The following ABR variants were observed in gnomAD, a reference collection of about 807,000 sequenced individuals.
The protein encoded by ABR is ABR activator of RhoGEF and GTPase.
In ABR, 35 loss-of-function variants were observed where a neutral mutation model predicts 107.2. That is an observed-to-expected ratio of 0.33 (90% CI 0.25 to 0.43). The LOEUF is 0.43. Among genes scored for constraint, ABR ranks in the 20% least tolerant of loss-of-function variants. ABR has a pLI of 1.00. For synonymous variants in ABR, 498 were observed against 462.0 expected, an observed-to-expected ratio of 1.08 and a Z score of -1.00; for missense variants, 815 against 1,115.2, an observed-to-expected ratio of 0.73 and a Z score of 3.83.
At chr17:1,162,899 C>A (rs932265769) in intron 1 of ABR, among the ~76,000 whole-genome samples, 6 of 152,092 alleles carry the variant, frequency 3.9e-5, no homozygotes, top group Admixed American at 6.6e-5. Flanking sequence ...TGGTGAAACC[C>A]CGTCTCTAAT....
chr17:1,216,933 G>A (rs1355257354), intron 1 of ABR, among the ~76,000 whole-genome samples: 2 of 152,124 alleles, frequency 1.3e-5, no homozygotes, highest in African/African-American at 4.8e-5. Flanking sequence ...GGGGATCCTA[G>A]GGGTGTTCAG....
intron 2 of ABR, among the ~76,000 whole-genome samples, 198 bp downstream of exon 2, chr17:1,124,985 G>T (rs966854242): frequency 5.1e-4 from 77 of 152,050 alleles, no homozygotes; most frequent in African/African-American, 1.7e-3. Flanking sequence ...GGCAGCGTTG[G>T]CAAAGCAGGT....
intron 4 of ABR, chr17:1,083,860 G>A: frequency 2.0e-6 from 1 of 502,610 alleles, no homozygotes; most frequent in Non-Finnish European, 3.6e-6. Flanking sequence ...GTCTGGGGTT[G>A]GGGAGACCAG....
intron 1 of ABR, among the ~76,000 whole-genome samples, chr17:1,195,481 C>T (rs983013855): frequency 1.3e-5 from 2 of 151,840 alleles, no homozygotes; most frequent in Non-Finnish European, 2.9e-5. Flanking sequence ...CTGCCTGACC[C>T]AGGCTCAGCA....
chr17:1,108,838 CCGCGCGCT>C, intron 2 of ABR: 1 of 1,407,836 alleles, frequency 7.1e-7, no homozygotes, highest in Non-Finnish European at 9.3e-7. Context: ...TTCCACCCGG[CCGCGCGCT>C]CTGCGCCCGC....
Position 1,010,295 on chromosome 17 carries a change from G to A in ABR, c.2236+434C>T, listed in dbSNP as rs184731593. The A allele has an allele frequency of 3.6e-4, 82 of 226,334 alleles. 2 individuals are homozygous for A. The highest frequency in any genetic ancestry group is 5.4e-4 in the Non-Finnish European group (61 of 112,950). 14.0% of individuals were successfully genotyped at this position (226,334 alleles called of 1,614,324 possible). ...GGTGGAGGCGGAAGGCCTGCTGGCCGGGGCCCTCCGCAGAGGTGACGGGAC... is the reference window on the plus strand; with the variant it reads ...GGTGGAGGCGGAAGGCCTGCTGGCCAGGGCCCTCCGCAGAGGTGACGGGAC... On this transcript the variant is annotated intron_variant, in intron 20 of 22. Coordinates refer to ENST00000302538, the MANE Select transcript of ABR (RefSeq NM_021962.5). This position sits in a 1 kb window ranked among gnomAD's most constrained non-coding sequence, Gnocchi z 4.1.
At position 1,139,837 on chromosome 17, in the gene ABR, T is replaced by C. The variant is rs894447096; in HGVS notation, c.62-14470A>G. On this transcript the variant is annotated intron_variant, in intron 1 of 22. Transcript: ENST00000302538. ...AAGTGTGTGGGCTGCCCTGAGGGGT[T>C]CATATGGAAGAAACAACCAGTCACA... is the stretch of plus-strand genomic sequence containing the variant. Among the ~76,000 whole-genome samples the C allele has an allele frequency of 5.3e-5, 8 of 152,236 alleles. No individual in the cohort carries two copies. The East Asian group carries it at 1.5e-3, about 29-fold the overall frequency.
intron 16 of ABR, among the ~76,000 whole-genome samples, chr17:1,029,983 G>T (rs1178753722): frequency 6.6e-6 from 1 of 150,550 alleles, no homozygotes; most frequent in Non-Finnish European, 1.5e-5. Context: ...CACGTTAGGG[G>T]ATGGAATCGC....
At chr17:1,188,215 C>T (rs2042353625), upstream of ABR, among the ~76,000 whole-genome samples, 1 of 151,396 alleles carries the variant, frequency 6.6e-6, no homozygotes, top group African/African-American at 2.4e-5. Flanking sequence ...CTCAAAAAAA[C>T]AAATAAGTAA....
intron 1 of ABR, among the ~76,000 whole-genome samples, chr17:1,127,154 C>A (rs1266443206): frequency 2.0e-5 from 3 of 152,234 alleles, no homozygotes; most frequent in Non-Finnish European, 4.4e-5. Flanking sequence ...TGAGCCAATG[C>A]CCCATTCAGC....
chr17:1,197,447 G>A (rs1405416874), intron 1 of ABR, among the ~76,000 whole-genome samples: 2 of 151,604 alleles, frequency 1.3e-5, no homozygotes, highest in East Asian at 3.8e-4. Context: ...CGGTCATTCT[G>A]AAGCCTTGAG....
rs879933857 is a variant in ABR, at chr17:1,179,858, C to G, written c.-131G>C. Reference sequence around the variant, plus strand: ...GCGAGGAGGCCGGGAACCAGGTCCCCGGGAGGAGCGCGGGGCGGCCGGGGC... The same window carrying G: ...GCGAGGAGGCCGGGAACCAGGTCCCGGGGAGGAGCGCGGGGCGGCCGGGGC... On this transcript the variant is annotated 5_prime_UTR_variant, in exon 1 of 23. Coordinates refer to ENST00000302538, the MANE Select transcript of ABR (RefSeq NM_021962.5). This position sits in a 1 kb window ranked among gnomAD's most constrained non-coding sequence, Gnocchi z 4.9. The G allele has an allele frequency of 3.6e-6, 3 of 836,808 alleles. No individual in the cohort carries two copies. Among genetic ancestry groups the G allele is most frequent in the Admixed American group, 4.2e-5 (1 of 23,620 alleles). The allele number at this position is 836,808 out of a possible 1,614,324, so 51.8% of individuals were successfully genotyped here.
intron 2 of ABR, among the ~76,000 whole-genome samples, chr17:1,114,340 CAG>C (rs2038882732): frequency 1.3e-5 from 2 of 151,766 alleles, no homozygotes; most frequent in East Asian, 3.9e-4. Flanking sequence ...AGGGGTGGCA[CAG>C]GCCTGTAATC....
chr17:1,136,522 C>T (rs888785805), intron 1 of ABR, among the ~76,000 whole-genome samples: 3 of 152,226 alleles, frequency 2.0e-5, no homozygotes, highest in Non-Finnish European at 4.4e-5. Flanking sequence ...AGCCACCGCG[C>T]CTGGCCAAAA....
intron 1 of ABR, among the ~76,000 whole-genome samples, chr17:1,173,794 CCT>C (rs1264614244): frequency 6.6e-6 from 1 of 152,184 alleles, no homozygotes; most frequent in Non-Finnish European, 1.5e-5. Context: ...GGTCTGATAC[CCT>C]GTTCCTGCCG....
At position 1,078,525 on chromosome 17, in the gene ABR, C is replaced by T. The variant is rs1234424800; in HGVS notation, c.700+805G>A. 2.6e-5 allele frequency among the ~76,000 whole-genome samples: 4 copies of T among 152,156 alleles called. No homozygotes were observed. Among genetic ancestry groups the T allele is most frequent in the Non-Finnish European group, 4.4e-5 (3 of 68,024 alleles). On this transcript the variant is annotated intron_variant, in intron 6 of 22. Coordinates refer to ENST00000302538, the MANE Select transcript of ABR (RefSeq NM_021962.5). This position sits in a 1 kb window ranked among gnomAD's most constrained non-coding sequence, Gnocchi z 7.5. ...TCGTCGCCGTCTCTCCCTAACAGCC[C>T]CTCCAGGAAGTTCTCTCACACTAGC...
chr17:1,090,825 C>T (rs896325271), intron 4 of ABR, among the ~76,000 whole-genome samples: 6 of 152,200 alleles, frequency 3.9e-5, no homozygotes, highest in Non-Finnish European at 7.3e-5. Context: ...AGAGAAGAAC[C>T]GCGGCCTGGA....
Position 1,157,786 on chromosome 17 carries a change from A to T in ABR, c.61+21881T>A, listed in dbSNP as rs143750223. Among the ~76,000 whole-genome samples, 31 of 152,390 alleles carry T rather than the reference A, an allele frequency of 2.0e-4. No homozygotes were observed. In the East Asian group the frequency reaches 5.0e-3, roughly 25 times the overall value. On this transcript the variant is annotated intron_variant, in intron 1 of 22. Coordinates refer to ENST00000302538, the MANE Select transcript of ABR (RefSeq NM_021962.5). This position sits in a 1 kb window ranked among gnomAD's most constrained non-coding sequence, Gnocchi z 4.7. ...TGACCTGAGCCTGCCTGCCAGGCAC[A>T]GAACCTCAGGCGCACCCAGGCAGAC...
Position 1,148,159 on chromosome 17 carries a change from CATT to C in ABR, c.62-22795_62-22793del, listed in dbSNP as rs2040633136. Among the ~76,000 whole-genome samples the C allele has an allele frequency of 6.6e-6, 1 of 152,216 alleles. No individual in the cohort carries two copies. Among genetic ancestry groups the C allele is most frequent in the Non-Finnish European group, 1.5e-5 (1 of 68,044 alleles). ...GGGGAAATACCCGCATTCCTAAGAGCATTATTGACACTTGCCAAAAAACAGAAA... is the reference window on the plus strand; with the variant it reads ...GGGGAAATACCCGCATTCCTAAGAGCATTGACACTTGCCAAAAAACAGAAA... On this transcript the variant is annotated intron_variant, in intron 1 of 22. Coordinates refer to ENST00000302538, the MANE Select transcript of ABR (RefSeq NM_021962.5). The surrounding 1 kb of genome is among the most constrained non-coding windows in gnomAD (Gnocchi z 4.9).
Sources: gnomAD v4.1 joint callset for allele counts (sites outside exome capture counted in the v4.1 genomes callset) on GRCh38, gnomAD v4.1.1 for gene constraint, Gnocchi (gnomAD v3.1) non-coding constraint, MANE v1.5 for transcripts, NCBI Gene and HGNC (gene_info 2026-07-23, HGNC 2026-07-21) for gene names.